FGFR1: variants seen among roughly 807,000 people sequenced by gnomAD.
The protein encoded by FGFR1 is fibroblast growth factor receptor 1, also known as FGFR1/PLAG1 fusion.
FGFR1 carries 18 observed loss-of-function variants against 93.7 expected under a neutral mutation model. That is an observed-to-expected ratio of 0.19 (90% CI 0.13 to 0.28). FGFR1 has a LOEUF of 0.28. Among genes scored for constraint, FGFR1 ranks in the 10% least tolerant of loss-of-function variants. The probability of loss-of-function intolerance (pLI) is 1.00; values close to 1 mark genes in which losing one functional copy is unlikely to be tolerated. For synonymous variants in FGFR1, 448 were observed against 429.3 expected, an observed-to-expected ratio of 1.04 and a Z score of -0.54; for missense variants, 731 against 1,080.4, an observed-to-expected ratio of 0.68 and a Z score of 4.53.
rs869025672 is a variant in FGFR1, at chr8:38,414,872, A to G, written c.1884T>C (p.Asn628=). The G allele has an allele frequency of 3.7e-6, 6 of 1,613,514 alleles. No individual in the cohort carries two copies. The African/African-American group carries it at 8.0e-5, about 22-fold the overall frequency. ...TCACATTGTCCTCTGTCACCAGGAC[A>G]TTCCTGGCTGCCAGGTCTCGGTGTA... The part of the protein sequence containing the change: ...KCIHRDLAAR[N]VLVTEDNVMK... The change falls in exon 14 of 18, where the codon AAT becomes AAC. Residue 628 remains asparagine (N), a synonymous_variant. Transcript: ENST00000447712.
At chr8:38,441,072 A>C (rs1391715103) in intron 2 of FGFR1, among the ~76,000 whole-genome samples, 2 of 134,528 alleles carry the variant, frequency 1.5e-5, no homozygotes, top group Admixed American at 7.3e-5. Flanking sequence ...GAGACCCCCC[A>C]AAAACAGATC....
chr8:38,446,504 C>A (rs940968811), intron 2 of FGFR1, among the ~76,000 whole-genome samples: 1 of 152,050 alleles, frequency 6.6e-6, no homozygotes, highest in East Asian at 1.9e-4. Context: ...ACCCACCACA[C>A]CAGGCCTAGG....
intron 2 of FGFR1, chr8:38,434,412 T>C: frequency 3.1e-6 from 1 of 324,908 alleles, no homozygotes; most frequent in Admixed American, 3.2e-5. Flanking sequence ...GACTTCCACC[T>C]CAATTCCTGG....
intron 2 of FGFR1, among the ~76,000 whole-genome samples, chr8:38,454,015 A>G (rs1314305512): frequency 6.6e-6 from 1 of 152,128 alleles, no homozygotes; most frequent in Non-Finnish European, 1.5e-5. Context: ...GTGCCTTTGA[A>G]AATTAAGTTG....
chr8:38,440,477 T>C (rs972237984), intron 2 of FGFR1: 21 of 897,324 alleles, frequency 2.3e-5, no homozygotes, highest in Non-Finnish European at 2.9e-5. Flanking sequence ...CAGGTATGTG[T>C]GGAAAGAGAG....
At chr8:38,450,600 A>G (rs998465507) in intron 2 of FGFR1, among the ~76,000 whole-genome samples, 36 of 152,204 alleles carry the variant, frequency 2.4e-4, no homozygotes, top group African/African-American at 8.4e-4. Context: ...ACAGGCTCCC[A>G]AAGAATCCCT....
chr8:38,417,222 T>TAACCCCCAA lies in FGFR1; in HGVS notation c.1663+83_1663+84insTTGGGGGTT, dbSNP rs1563449464. On this transcript the variant is annotated intron_variant, in intron 12 of 17. Coordinates refer to ENST00000447712, the MANE Select transcript of FGFR1 (RefSeq NM_023110.3). ...CTCTCTTAACCCCCTTCCCTAGCTG[T>TAACCCCCAA]GGCTGAGAGAGGCCTTGGGACTGAT... The TAACCCCCAA allele has an allele frequency of 2.9e-5, 30 of 1,047,628 alleles. No homozygotes were observed. In the Admixed American group the frequency reaches 3.5e-4, roughly 12 times the overall value. The allele number at this position is 1,047,628 out of a possible 1,614,324, so 64.9% of individuals were successfully genotyped here. A position where few individuals can be genotyped will look rare whatever the true frequency, so the allele number is the denominator to read the frequency against.
At chr8:38,456,237 C>T (rs565123532) in intron 2 of FGFR1, among the ~76,000 whole-genome samples, 8 of 152,268 alleles carry the variant, frequency 5.3e-5, no homozygotes, top group Non-Finnish European at 7.3e-5. Context: ...CACTGAGTCA[C>T]GAACCACACT....
intron 12 of FGFR1, 123 bp from the exon 13 acceptor site, chr8:38,416,183 G>A: frequency 2.5e-6 from 2 of 795,168 alleles, no homozygotes; most frequent in Non-Finnish European, 4.2e-6. Context: ...CCTCCTCTTA[G>A]GGGACCTGGG....
At position 38,442,656 on chromosome 8, in the gene FGFR1, C is replaced by G. The variant is rs547848424; in HGVS notation, c.92-12708G>C. On this transcript the variant is annotated intron_variant, in intron 2 of 17. Coordinates refer to ENST00000447712, the MANE Select transcript of FGFR1 (RefSeq NM_023110.3). ...AGGAAAAGAATGTATCGCCCTCCCC[C>G]CACCTCTCCCAGCTGGGGCCTCTCG... Among the ~76,000 whole-genome samples the G allele has an allele frequency of 3.9e-5, 6 of 152,274 alleles. No individual in the cohort carries two copies. The East Asian group carries it at 5.8e-4, about 15-fold the overall frequency.
intron 2 of FGFR1, among the ~76,000 whole-genome samples, chr8:38,455,429 T>C (rs1436057805): frequency 6.6e-6 from 1 of 152,108 alleles, no homozygotes; most frequent in Non-Finnish European, 1.5e-5. Context: ...TAGCTGGGAC[T>C]ACAGGCGCCT....
At chr8:38,452,200 G>GACACACACACACACACACACACACAC (rs3051753) in intron 2 of FGFR1, among the ~76,000 whole-genome samples, 2 of 139,094 alleles carry the variant, frequency 1.4e-5, no homozygotes, top group Non-Finnish European at 3.1e-5. Flanking sequence ...CAGACACACA[G>GACACACACACACACACACACACACAC]ACACACACAC....
At chr8:38,451,481 C>T (rs1231869231) in intron 2 of FGFR1, among the ~76,000 whole-genome samples, 1 of 152,202 alleles carries the variant, frequency 6.6e-6, no homozygotes, top group East Asian at 1.9e-4. Flanking sequence ...GCCCTATGAT[C>T]TGAGGCTAGG....
chr8:38,466,238 C>G (rs1219796811), intron 1 of FGFR1: 3 of 232,340 alleles, frequency 1.3e-5, no homozygotes, highest in Non-Finnish European at 2.6e-5. Context: ...CCCGGCCCTG[C>G]GCACCGGGCT....
rs1362855767 is a variant in FGFR1 at position 38,418,529 on chromosome 8, C to T, written c.1285-156G>A. 12 of 877,924 alleles carry T rather than the reference C, an allele frequency of 1.4e-5. No homozygotes were observed. In the Admixed American group the frequency reaches 1.4e-4, roughly 10 times the overall value. 54.4% of individuals were successfully genotyped at this position (877,924 alleles called of 1,614,324 possible). Reference sequence around the variant, plus strand: ...GAGTGGTCCAAAGACCATGGTAGGCCAGGAGGCCCAACTTCTAGGACTGAC... The same window carrying T: ...GAGTGGTCCAAAGACCATGGTAGGCTAGGAGGCCCAACTTCTAGGACTGAC... On this transcript the variant is annotated intron_variant, in intron 9 of 17. Coordinates refer to ENST00000447712, the MANE Select transcript of FGFR1 (RefSeq NM_023110.3).
At position 38,428,343 on chromosome 8, in the gene FGFR1, C is replaced by T. The variant is rs754351752; in HGVS notation, c.448+3G>A. 1 of 1,613,352 alleles carries T rather than the reference C, an allele frequency of 6.2e-7. No individual in the cohort carries two copies. Among genetic ancestry groups the T allele is most frequent in the Non-Finnish European group, 8.5e-7 (1 of 1,179,252 alleles). Reference sequence around the variant, plus strand: ...GGCAGTAAGATAGGAAACAGTGTCTCACGCATACGGTTTGGTTTGGTGTTA... The same window carrying T: ...GGCAGTAAGATAGGAAACAGTGTCTTACGCATACGGTTTGGTTTGGTGTTA... On this transcript the variant is annotated splice_donor_region_variant and intron_variant, in intron 4 of 17. Transcript: ENST00000447712.
chr8:38,417,721 A>G, intron 11 of FGFR1, 149 bp downstream of exon 11: 7 of 1,084,396 alleles, frequency 6.5e-6, no homozygotes, highest in Non-Finnish European at 8.5e-6. Context: ...GGTGCAGAAC[A>G]CCCCCTCCAC....
chr8:38,465,197 C>G (rs1160248855), intron 1 of FGFR1, among the ~76,000 whole-genome samples: 1 of 152,192 alleles, frequency 6.6e-6, no homozygotes, highest in Non-Finnish European at 1.5e-5. Flanking sequence ...ATCAAAGGGC[C>G]ACCTAATGGA....
At chr8:38,436,221 A>C (rs1162578546) in intron 2 of FGFR1, among the ~76,000 whole-genome samples, 1 of 152,076 alleles carries the variant, frequency 6.6e-6, no homozygotes, top group Non-Finnish European at 1.5e-5. Flanking sequence ...CGAAAAATAA[A>C]AAAATTAGCC....
Sources: gnomAD v4.1 joint callset for allele counts (sites outside exome capture counted in the v4.1 genomes callset) on GRCh38, gnomAD v4.1.1 for gene constraint, MANE v1.5 for transcripts, NCBI Gene and HGNC (gene_info 2026-07-23, HGNC 2026-07-21) for gene names.